The following TMC7 variants were observed in gnomAD, a reference collection of about 807,000 sequenced individuals.
The protein encoded by TMC7 is transmembrane channel-like protein 7.
Under a neutral mutation model 82.9 loss-of-function variants are expected in TMC7, and 54 were observed. The ratio of observed to expected loss-of-function variants is 0.65; its 90% CI spans 0.52 to 0.82. The LOEUF is 0.82. Among genes scored for constraint, TMC7 ranks in the 40% least tolerant of loss-of-function variants. The pLI, the probability that TMC7 is intolerant of heterozygous loss-of-function variation, is 0.00. For synonymous variants in TMC7, 350 were observed against 337.9 expected, an observed-to-expected ratio of 1.04 and a Z score of -0.39; for missense variants, 820 against 901.2, an observed-to-expected ratio of 0.91 and a Z score of 1.15.
At chr16:18,997,124 C>T (rs1274734798) in intron 1 of TMC7, among the ~76,000 whole-genome samples, 1 of 152,216 alleles carries the variant, frequency 6.6e-6, no homozygotes, top group African/African-American at 2.4e-5. Flanking sequence ...AGGTGGATCT[C>T]CTCACGGAGT....
At chr16:18,996,745 A>G (rs2039049609) in intron 1 of TMC7, among the ~76,000 whole-genome samples, 1 of 152,184 alleles carries the variant, frequency 6.6e-6, no homozygotes, top group Non-Finnish European at 1.5e-5. Context: ...AATGTGGGTG[A>G]GCAGCCAAAG....
At chr16:19,037,840 C>T (rs371871160) in intron 7 of TMC7, 34 bp from the exon 8 acceptor site, 1 of 1,594,574 alleles carries the variant, frequency 6.3e-7, no homozygotes, top group African/African-American at 1.3e-5. Flanking sequence ...CCCTTCATCC[C>T]ACTGCTCACA....
intron 15 of TMC7, among the ~76,000 whole-genome samples, chr16:19,060,789 AT>A (rs11390744): frequency 1.3e-3 from 176 of 137,646 alleles, no homozygotes; most frequent in Admixed American, 1.6e-3. Flanking sequence ...TCTACTGTGC[AT>A]TTTTTTTTTT....
intron 6 of TMC7, 119 bp from the exon 7 acceptor site, chr16:19,035,557 T>C: frequency 8.3e-7 from 1 of 1,198,216 alleles, no homozygotes; most frequent in African/African-American, 1.5e-5. Context: ...AACTTGACCA[T>C]GTCACAATGG....
At chr16:19,052,784 C>G (rs1480350024) in intron 13 of TMC7, among the ~76,000 whole-genome samples, 1 of 152,112 alleles carries the variant, frequency 6.6e-6, no homozygotes, top group East Asian at 1.9e-4. Context: ...GTGATCTTGG[C>G]TCCCTGCAAC....
chr16:19,030,089 G>C, intron 5 of TMC7, 135 bp from the exon 6 acceptor site: 1 of 846,514 alleles, frequency 1.2e-6, no homozygotes, highest in Non-Finnish European at 1.9e-6. Context: ...CTGTGCCTCT[G>C]GGGCTGTTCC....
chr16:19,004,932 G>T (rs1304848977), intron 1 of TMC7, among the ~76,000 whole-genome samples: 1 of 151,534 alleles, frequency 6.6e-6, no homozygotes, highest in Non-Finnish European at 1.5e-5. Context: ...TGAATTCCTG[G>T]GCTCAAGCAA....
Position 19,053,849 on chromosome 16 carries a change from CTT to C in TMC7, c.1871+2048_1871+2049del, listed in dbSNP as rs35024702. Among the ~76,000 whole-genome samples, 1,193 of 137,970 alleles carry C rather than the reference CTT, an allele frequency of 8.6e-3. 15 individuals are homozygous for C. Among genetic ancestry groups the C allele is most frequent in the African/African-American group, 0.028 (1,026 of 37,284 alleles). 90.5% of individuals were successfully genotyped at this position (137,970 alleles called of 152,430 possible). A position where few individuals can be genotyped will look rare whatever the true frequency, so the allele number is the denominator to read the frequency against. On this transcript the variant is annotated intron_variant, in intron 13 of 15. Coordinates refer to ENST00000304381, the MANE Select transcript of TMC7 (RefSeq NM_024847.4). ...CTCCTCATATCTGTGTCTTTTCTTT[CTT>C]TTTTTTTTTTTTTTAAAGATGCGAT...
chr16:19,014,539 G>A (rs976640863), intron 2 of TMC7, among the ~76,000 whole-genome samples: 7 of 152,220 alleles, frequency 4.6e-5, no homozygotes, highest in African/African-American at 7.2e-5. Flanking sequence ...GGCGTGTGCC[G>A]TGTGCCATAT....
chr16:19,009,375 C>T lies in TMC7; in HGVS notation c.271C>T (p.Arg91Ter), dbSNP rs536265026. The change falls in exon 2 of 16, where the codon CGA becomes TGA. Residue 91 changes from arginine to a stop codon, truncating the protein, a stop_gained. Coordinates refer to ENST00000304381, the MANE Select transcript of TMC7 (RefSeq NM_024847.4). LOFTEE classifies it high-confidence loss of function. The stretch of plus-strand genomic sequence containing the variant: ...TGAAAACCTCAGCAGCCATTCTCTT[C>T]GAAATTATGCACTGAACATCTCTGA... Reference protein sequence around the residue: ...IAENLSSHSLRNYALNISEKR... With the variant: ...IAENLSSHSL 1.4e-5 allele frequency: 22 copies of T among 1,614,010 alleles called. No homozygotes were observed. Among genetic ancestry groups the T allele is most frequent in the South Asian group, 3.3e-5 (3 of 91,078 alleles).
chr16:19,046,082 G>A (rs1231112790), intron 11 of TMC7, among the ~76,000 whole-genome samples: 1 of 152,092 alleles, frequency 6.6e-6, no homozygotes, highest in Non-Finnish European at 1.5e-5. Context: ...TTCATTAGTT[G>A]CCCATCTAAA....
chr16:18,985,827 G>C (rs1172367179), intron 1 of TMC7, among the ~76,000 whole-genome samples: 1 of 151,932 alleles, frequency 6.6e-6, no homozygotes, highest in Non-Finnish European at 1.5e-5. Flanking sequence ...ACAGTCCGTG[G>C]GGTGGGGCGG....
In TMC7 at chr16:19,009,338, G is replaced by A. The variant is rs2039296073; in HGVS notation, c.234G>A (p.Glu78=). Residue 78 remains glutamate (E), a synonymous_variant, in exon 2 of 16, where the codon GAG becomes GAA. Coordinates refer to ENST00000304381, the MANE Select transcript of TMC7 (RefSeq NM_024847.4). ...CCGACTCTTACAGCTCCCAGCTGGA[G>A]GACAGAATCGCTGAAAACCTCAGCA... ...KPTDSYSSQL[E]DRIAENLSSH... is the part of the protein sequence containing the mutation. 1.2e-6 allele frequency: 2 copies of A among 1,614,004 alleles called. No individual in the cohort carries two copies. Among genetic ancestry groups the A allele is most frequent in the Admixed American group, 1.7e-5 (1 of 59,986 alleles).
chr16:18,990,319 ATGGCC>A (rs1326973927), intron 1 of TMC7, among the ~76,000 whole-genome samples: 2 of 152,256 alleles, frequency 1.3e-5, no homozygotes, highest in African/African-American at 2.4e-5. Flanking sequence ...AGGGGATGCA[ATGGCC>A]TGGCTTGGCT....
At position 18,984,420 on chromosome 16, in the gene TMC7, C is replaced by A. The variant is rs530505345; in HGVS notation, c.67+290C>A. 4.8e-4 allele frequency: 589 copies of A among 1,232,958 alleles called. 1 individual carries two copies. The highest frequency in any genetic ancestry group is 5.2e-4 in the Non-Finnish European group (513 of 987,784). The allele number at this position is 1,232,958 out of a possible 1,614,324, so 76.4% of individuals were successfully genotyped here. Reference sequence around the variant, plus strand: ...CCAGCTGTTGACCGAGACAGTCTTTCAATAGCCTCATCTGCTGTTAAATGA... The same window carrying A: ...CCAGCTGTTGACCGAGACAGTCTTTAAATAGCCTCATCTGCTGTTAAATGA... On this transcript the variant is annotated intron_variant, in intron 1 of 15. Coordinates refer to ENST00000304381, the MANE Select transcript of TMC7 (RefSeq NM_024847.4).
rs546101286 is a variant in TMC7 at position 18,985,010 on chromosome 16, C to T, written c.67+880C>T. ...GGCGTGGTGGCTCACGCCTGTAATC[C>T]CAGCACTTTGGGAGGCTGAGGCGGG... On this transcript the variant is annotated intron_variant, in intron 1 of 15. Coordinates refer to ENST00000304381, the MANE Select transcript of TMC7 (RefSeq NM_024847.4). 7.8e-4 allele frequency among the ~76,000 whole-genome samples: 119 copies of T among 152,212 alleles called. 1 individual carries two copies. The highest frequency in any genetic ancestry group is 2.6e-3 in the African/African-American group (109 of 41,542).
intron 9 of TMC7, among the ~76,000 whole-genome samples, chr16:19,042,553 G>A (rs1458048396): frequency 6.7e-6 from 1 of 150,106 alleles, no homozygotes; most frequent in Non-Finnish European, 1.5e-5. Flanking sequence ...TGTCGCCCAG[G>A]CTGGAATGCA....
chr16:19,006,114 T>C (rs1394022360), intron 1 of TMC7, among the ~76,000 whole-genome samples: 1 of 152,182 alleles, frequency 6.6e-6, no homozygotes, highest in African/African-American at 2.4e-5. Flanking sequence ...GCCTGGGACC[T>C]TCTACCCATG....
At chr16:19,032,520 G>T (rs1456700159) in intron 6 of TMC7, among the ~76,000 whole-genome samples, 1 of 148,114 alleles carries the variant, frequency 6.8e-6, no homozygotes, top group Non-Finnish European at 1.5e-5. Flanking sequence ...TTAAGACAAA[G>T]AGTATGAAAA....
Sources: gnomAD v4.1 joint callset for allele counts (sites outside exome capture counted in the v4.1 genomes callset) on GRCh38, gnomAD v4.1.1 for gene constraint, MANE v1.5 for transcripts, NCBI Gene and HGNC (gene_info 2026-07-23, HGNC 2026-07-21) for gene names.